Variants in KLHL29 observed in about 807,000 individuals in gnomAD.
KLHL29 encodes the protein kelch like family member 29.
A neutral mutation model predicts 80.4 loss-of-function variants in KLHL29; 21 were observed. The observed-to-expected ratio is 0.26, with a 90% CI of 0.19 to 0.38. KLHL29 has a LOEUF of 0.38. Among genes scored for constraint, KLHL29 ranks in the 10% least tolerant of loss-of-function variants. KLHL29 has a pLI of 1.00. For synonymous variants in KLHL29, 511 were observed against 526.8 expected, an observed-to-expected ratio of 0.97 and a Z score of 0.41; for missense variants, 867 against 1,223.9, an observed-to-expected ratio of 0.71 and a Z score of 4.35.
intron 1 of KLHL29, among the ~76,000 whole-genome samples, chr2:23,434,028 A>G (rs1663261627): frequency 6.6e-6 from 1 of 152,118 alleles, no homozygotes; most frequent in African/African-American, 2.4e-5. Context: ...GCCCTTTAAA[A>G]AGCTAGGCTC....
At chr2:23,582,374 A>G (rs1474573810) in intron 3 of KLHL29, among the ~76,000 whole-genome samples, 1 of 152,170 alleles carries the variant, frequency 6.6e-6, no homozygotes, top group Non-Finnish European at 1.5e-5. Context: ...CAGATGTATT[A>G]TTATTATTAT....
intron 3 of KLHL29, among the ~76,000 whole-genome samples, chr2:23,632,917 C>T (rs557159339): frequency 5.3e-5 from 8 of 152,368 alleles, no homozygotes; most frequent in Middle Eastern, 3.4e-3. Context: ...GGTCACATGC[C>T]ATGCCCTAGC....
At chr2:23,506,043 C>T (rs1033216197) in intron 2 of KLHL29, among the ~76,000 whole-genome samples, 4 of 152,196 alleles carry the variant, frequency 2.6e-5, no homozygotes, top group East Asian at 3.9e-4. Flanking sequence ...GCCTGGGGAA[C>T]GGCTTCATTA....
Position 23,642,660 on chromosome 2 carries a change from C to T in KLHL29, c.750C>T (p.Thr250=), listed in dbSNP as rs576187976. The T allele has an allele frequency of 9.8e-5, 152 of 1,548,308 alleles. No homozygotes were observed. The African/African-American group carries it at 1.4e-3, about 14-fold the overall frequency. ...GGCAGGTGGCCCGCCCAGGACCCAC[C>T]GCTGTGGGCAACGGCCACATGGCAG... The part of the protein sequence containing the change: ...GVGQVARPGP[T]AVGNGHMAGP... Residue 250 remains threonine (T), a synonymous_variant, in exon 5 of 14, where the codon ACC becomes ACT. Coordinates refer to ENST00000486442, the MANE Select transcript of KLHL29 (RefSeq NM_052920.2).
At chr2:23,664,087 A>G (rs150567831) in intron 5 of KLHL29, among the ~76,000 whole-genome samples, 74 of 152,376 alleles carry the variant, frequency 4.9e-4, no homozygotes, top group African/African-American at 1.7e-3. Context: ...TTTTATGCCC[A>G]TAATAAAACA....
chr2:23,635,148 A>C (rs1159296756), intron 3 of KLHL29, among the ~76,000 whole-genome samples: 2 of 152,204 alleles, frequency 1.3e-5, no homozygotes, highest in African/African-American at 4.8e-5. Context: ...GCAAAGTAGA[A>C]AAAGGGGTTT....
chr2:23,439,852 T>C (rs191066806), intron 1 of KLHL29, among the ~76,000 whole-genome samples: 1 of 152,092 alleles, frequency 6.6e-6, no homozygotes, highest in Non-Finnish European at 1.5e-5. Flanking sequence ...CTGAGTACAA[T>C]TCCTGGGTAT....
intron 1 of KLHL29, among the ~76,000 whole-genome samples, chr2:23,437,784 G>C (rs1422071184): frequency 2.0e-5 from 3 of 152,204 alleles, no homozygotes; most frequent in Non-Finnish European, 4.4e-5. Flanking sequence ...GATTGACTTG[G>C]TGATGCAGGC....
At chr2:23,666,572 C>T (rs182684705) in intron 5 of KLHL29, among the ~76,000 whole-genome samples, 20 of 152,322 alleles carry the variant, frequency 1.3e-4, no homozygotes, top group Admixed American at 1.2e-3. Flanking sequence ...ATGACTGTTC[C>T]GCAAAGCCCG....
Position 23,642,406 on chromosome 2 carries a change from G to A in KLHL29, c.496G>A (p.Val166Met), listed in dbSNP as rs772033256. The A allele has an allele frequency of 1.8e-5, 27 of 1,481,940 alleles. No individual in the cohort carries two copies. Among genetic ancestry groups the A allele is most frequent in the Non-Finnish European group, 2.4e-5 (27 of 1,110,228 alleles). The allele number at this position is 1,481,940 out of a possible 1,614,324, so 91.8% of individuals were successfully genotyped here. A position where few individuals can be genotyped will look rare whatever the true frequency, so the allele number is the denominator to read the frequency against. ...QPTLIAHSYG[V>M]AQPPTFSPAV... ...CACCCTGATTGCACACTCCTATGGA[G>A]TGGCCCAGCCTCCCACCTTCAGCCC... Residue 166 changes from valine (V) to methionine (M), a missense_variant, in exon 5 of 14, where the codon GTG becomes ATG. Coordinates refer to ENST00000486442, the MANE Select transcript of KLHL29 (RefSeq NM_052920.2).
At chr2:23,467,075 C>T (rs74517174) in intron 1 of KLHL29, among the ~76,000 whole-genome samples, 8,464 of 152,244 alleles carry the variant, frequency 0.056, 267 homozygotes, top group Middle Eastern at 0.068. Context: ...TCATTCACCC[C>T]CTCCTGTCAC....
At chr2:23,703,905 G>A (rs1438309645) in intron 13 of KLHL29, 42 bp downstream of exon 13, 1 of 1,515,736 alleles carries the variant, frequency 6.6e-7, no homozygotes, top group African/African-American at 1.4e-5. Context: ...GGACGGAGGA[G>A]TGGGAGGAGG....
chr2:23,483,006 G>A (rs952316811), intron 2 of KLHL29, among the ~76,000 whole-genome samples: 1 of 152,192 alleles, frequency 6.6e-6, no homozygotes, highest in Non-Finnish European at 1.5e-5. Context: ...TGATTAACGC[G>A]ATCAATTCTT....
intron 3 of KLHL29, among the ~76,000 whole-genome samples, chr2:23,582,820 AT>A: frequency 6.6e-6 from 1 of 152,200 alleles, no homozygotes; most frequent in East Asian, 1.9e-4. Context: ...AGTAGGTTAA[AT>A]AGTACCCCAC....
intron 3 of KLHL29, among the ~76,000 whole-genome samples, chr2:23,613,541 G>A (rs536123619): frequency 1.8e-4 from 27 of 152,116 alleles, no homozygotes; most frequent in African/African-American, 5.8e-4. Context: ...TGAGGTGGGC[G>A]GATCACAAGG....
intron 1 of KLHL29, among the ~76,000 whole-genome samples, chr2:23,467,674 G>A (rs1022453632): frequency 6.6e-6 from 1 of 152,208 alleles, no homozygotes; most frequent in Non-Finnish European, 1.5e-5. Flanking sequence ...AGGAAAGGCA[G>A]AATCATGAAA....
At chr2:23,469,901 G>A (rs1050817730) in intron 1 of KLHL29, among the ~76,000 whole-genome samples, 9 of 151,730 alleles carry the variant, frequency 5.9e-5, no homozygotes, top group South Asian at 4.2e-4. Flanking sequence ...AGTGATGGGC[G>A]AATCTGTATT....
chr2:23,632,127 A>G (rs976171036), intron 3 of KLHL29, among the ~76,000 whole-genome samples: 1 of 152,148 alleles, frequency 6.6e-6, no homozygotes, highest in Non-Finnish European at 1.5e-5. Context: ...GTGCACTCCC[A>G]TTGGAGATCC....
chr2:23,582,830 A>AC (rs1320639191), intron 3 of KLHL29, among the ~76,000 whole-genome samples: 1 of 151,904 alleles, frequency 6.6e-6, no homozygotes, highest in African/African-American at 2.4e-5. Flanking sequence ...ATAGTACCCC[A>AC]CCCCCCAGCC....
Sources: allele counts gnomAD v4.1 joint callset (sites outside exome capture counted in the v4.1 genomes callset), GRCh38; gene constraint gnomAD v4.1.1; transcripts MANE v1.5; gene names NCBI Gene and HGNC (gene_info 2026-07-23, HGNC 2026-07-21).